The following CAMK1D variants were observed in gnomAD, a reference collection of about 807,000 sequenced individuals.
CAMK1D encodes calcium/calmodulin-dependent protein kinase type 1D.
CAMK1D carries 9 observed loss-of-function variants against 47.7 expected under a neutral mutation model. That is an observed-to-expected ratio of 0.19 (90% CI 0.11 to 0.33). CAMK1D has a LOEUF of 0.33. Among genes scored for constraint, CAMK1D ranks in the 10% least tolerant of loss-of-function variants. CAMK1D has a pLI of 1.00. For synonymous variants in CAMK1D, 184 were observed against 184.9 expected (o/e 0.99, Z 0.04); for missense variants, 291 against 488.7 (o/e 0.60, Z 3.81).
At chr10:12,414,433 G>A (rs565219566) in intron 1 of CAMK1D, among the ~76,000 whole-genome samples, 1 of 152,292 alleles carries the variant, frequency 6.6e-6, no homozygotes, top group East Asian at 1.9e-4. Flanking sequence ...AATAGCTGGG[G>A]AGAGTGGTTG....
chr10:12,793,107 A>T (rs1412230786), intron 6 of CAMK1D, among the ~76,000 whole-genome samples: 2 of 152,116 alleles, frequency 1.3e-5, no homozygotes, highest in African/African-American at 2.4e-5. Context: ...TAGAAATCTT[A>T]TCAGAGGTCC....
At chr10:12,511,886 A>G (rs1835051888) in intron 1 of CAMK1D, among the ~76,000 whole-genome samples, 1 of 152,196 alleles carries the variant, frequency 6.6e-6, no homozygotes, top group African/African-American at 2.4e-5. Flanking sequence ...AGTGGGGAGT[A>G]TGTACCCGTC....
intron 3 of CAMK1D, among the ~76,000 whole-genome samples, chr10:12,708,855 C>A (rs889175845): frequency 1.1e-4 from 16 of 151,728 alleles, no homozygotes; most frequent in African/African-American, 3.9e-4. Flanking sequence ...TTAGGCCAGG[C>A]GTGGTGGCTC....
intron 4 of CAMK1D, among the ~76,000 whole-genome samples, 176 bp from the exon 5 acceptor site, chr10:12,769,497 T>C (rs1043107794): frequency 3.3e-5 from 5 of 152,238 alleles, no homozygotes; most frequent in Non-Finnish European, 7.3e-5. Context: ...CCAGACACAC[T>C]GTGCCGGGCG....
At chr10:12,423,038 T>C (rs1296009064) in intron 1 of CAMK1D, among the ~76,000 whole-genome samples, 2 of 152,194 alleles carry the variant, frequency 1.3e-5, no homozygotes, top group African/African-American at 4.8e-5. Context: ...GAGGGTTTGC[T>C]TTTGTACATG....
intron 1 of CAMK1D, among the ~76,000 whole-genome samples, chr10:12,460,363 C>T (rs545871381): frequency 2.6e-5 from 4 of 151,752 alleles, no homozygotes; most frequent in East Asian, 1.9e-4. Context: ...TGGGCTCAAG[C>T]GATCCTCCTG....
chr10:12,757,961 C>G (rs1836313402), intron 3 of CAMK1D, among the ~76,000 whole-genome samples: 1 of 150,358 alleles, frequency 6.7e-6, no homozygotes, highest in Non-Finnish European at 1.5e-5. Context: ...AAGCAGTTCT[C>G]CTGCTTCAGC....
At chr10:12,768,275 A>C (rs191174473) in intron 4 of CAMK1D, among the ~76,000 whole-genome samples, 2 of 152,268 alleles carry the variant, frequency 1.3e-5, no homozygotes, top group African/African-American at 4.8e-5. Context: ...GTTATTTAGG[A>C]GTAAAATGGG....
At chr10:12,694,330 G>GTTATATGT (rs1554811731) in intron 3 of CAMK1D, among the ~76,000 whole-genome samples, 1 of 45,978 alleles carries the variant, frequency 2.2e-5, no homozygotes, top group African/African-American at 8.6e-5. Flanking sequence ...AATATATAAA[G>GTTATATGT]TATATATAAT....
Position 12,662,580 on chromosome 10 carries a change from G to A in CAMK1D, c.225-4156G>A, listed in dbSNP as rs544740787. Among the ~76,000 whole-genome samples, 6 of 151,892 alleles carry A rather than the reference G, an allele frequency of 4.0e-5. No individual in the cohort carries two copies. In the South Asian group the frequency reaches 8.4e-4, roughly 21 times the overall value. The stretch of plus-strand genomic sequence containing the variant: ...GGCAGGGGAATGGCATGAACCCGGG[G>A]GGCGGAGCTTGCAGTGAGCCGAGAT... On this transcript the variant is annotated intron_variant, in intron 2 of 10. Transcript: ENST00000619168.
At chr10:12,455,514 T>C (rs940899583) in intron 1 of CAMK1D, among the ~76,000 whole-genome samples, 1 of 152,230 alleles carries the variant, frequency 6.6e-6, no homozygotes, top group Admixed American at 6.5e-5. Context: ...TAGATTAGTT[T>C]TGCCTGCTTT....
chr10:12,748,660 C>T (rs1334813088), intron 3 of CAMK1D, among the ~76,000 whole-genome samples: 1 of 152,172 alleles, frequency 6.6e-6, no homozygotes. Context: ...TTACTGTGCC[C>T]TGCCTGGAAA....
At chr10:12,439,444 C>A (rs776397775) in intron 1 of CAMK1D, among the ~76,000 whole-genome samples, 2 of 152,096 alleles carry the variant, frequency 1.3e-5, no homozygotes, top group Admixed American at 1.3e-4. Flanking sequence ...ATGGGCATGA[C>A]TGAAAGGATA....
intron 3 of CAMK1D, among the ~76,000 whole-genome samples, chr10:12,698,016 G>C (rs548983530): frequency 6.6e-6 from 1 of 152,314 alleles, no homozygotes; most frequent in South Asian, 2.1e-4. Flanking sequence ...CAGGAAAGCT[G>C]TGTGGCCTTG....
rs995552064 is a variant in CAMK1D, at chr10:12,831,294, G to A, written c.*2407G>A. ...GAACTAGGCGGTTGCTTACTAAGAA[G>A]TGTCTTGGAAACATTCGAGTTCATA... On this transcript the variant is annotated 3_prime_UTR_variant, in exon 11 of 11. Transcript: ENST00000619168. 7.9e-5 allele frequency: 12 copies of A among 152,320 alleles called. No homozygotes were observed. Among genetic ancestry groups the A allele is most frequent in the African/African-American group, 2.9e-4 (12 of 41,558 alleles). 9.4% of individuals were successfully genotyped at this position (152,320 alleles called of 1,614,324 possible). A position where few individuals can be genotyped will look rare whatever the true frequency, so the allele number is the denominator to read the frequency against.
chr10:12,594,818 G>A (rs906096551), intron 2 of CAMK1D, among the ~76,000 whole-genome samples: 17 of 152,154 alleles, frequency 1.1e-4, no homozygotes, highest in Non-Finnish European at 2.1e-4. Flanking sequence ...GGCCTCATGC[G>A]GTGTTCAAGT....
At chr10:12,437,053 G>C (rs1832653480) in intron 1 of CAMK1D, among the ~76,000 whole-genome samples, 4 of 152,154 alleles carry the variant, frequency 2.6e-5, no homozygotes, top group Admixed American at 2.0e-4. Flanking sequence ...AATCAGCAAG[G>C]AGTGGTGGTG....
intron 2 of CAMK1D, among the ~76,000 whole-genome samples, chr10:12,645,805 A>T (rs1424456913): frequency 6.6e-6 from 1 of 152,198 alleles, no homozygotes; most frequent in Non-Finnish European, 1.5e-5. Flanking sequence ...CTGAGTATTT[A>T]AAAAATAGCT....
chr10:12,616,675 G>A (rs1223485940), intron 2 of CAMK1D, among the ~76,000 whole-genome samples: 2 of 151,320 alleles, frequency 1.3e-5, no homozygotes, highest in East Asian at 1.9e-4. Context: ...CCGCCACTAA[G>A]CCCGGCTAAT....
Sources: allele counts gnomAD v4.1 joint callset (sites outside exome capture counted in the v4.1 genomes callset), GRCh38; gene constraint gnomAD v4.1.1; transcripts MANE v1.5; gene names NCBI Gene and HGNC (gene_info 2026-07-23, HGNC 2026-07-21).